Variants in ZNF304 observed in about 807,000 individuals in gnomAD.
ZNF304 encodes KRAB-containing zinc finger protein.
In ZNF304, 7 loss-of-function variants were observed where a neutral mutation model predicts 7.8. That is an observed-to-expected ratio of 0.90 (90% CI 0.51 to 1.69). The LOEUF is 1.69. ZNF304 is among the 40% of genes most tolerant of loss of function. The pLI is 0.00. For synonymous variants in ZNF304, 280 were observed against 272.4 expected, an observed-to-expected ratio of 1.03 and a Z score of -0.27; for missense variants, 669 against 804.8, an observed-to-expected ratio of 0.83 and a Z score of 2.04.
chr19:57,354,175 A>G (rs2088309251), intron 2 of ZNF304, among the ~76,000 whole-genome samples: 1 of 151,896 alleles, frequency 6.6e-6, no homozygotes, highest in Non-Finnish European at 1.5e-5. Context: ...ACGCCCGGCT[A>G]TTTTACTTTT....
Position 57,359,726 on chromosome 19 carries a change from C to G in ZNF304, c.*1877C>G, listed in dbSNP as rs2088397481. The G allele has an allele frequency of 6.6e-6, 1 of 152,160 alleles. No individual in the cohort carries two copies. The highest frequency in any genetic ancestry group is 6.5e-5 in the Admixed American group (1 of 15,280). 9.4% of individuals were successfully genotyped at this position (152,160 alleles called of 1,614,324 possible). On this transcript the variant is annotated 3_prime_UTR_variant, in exon 3 of 3. Coordinates refer to ENST00000282286, the MANE Select transcript of ZNF304 (RefSeq NM_020657.4). ...TAAACATAACTATTTTAAGGTTAAT[C>G]CATTATCTTGTTGCATGAATCAATT...
chr19:57,355,802 A>G (rs1157856307), intron 2 of ZNF304, among the ~76,000 whole-genome samples: 1 of 151,950 alleles, frequency 6.6e-6, no homozygotes, highest in Non-Finnish European at 1.5e-5. Context: ...CTTCACCTAT[A>G]CTCCCTATAC....
Position 57,356,111 on chromosome 19 carries a change from A to T in ZNF304, c.242A>T (p.Glu81Val). ...GGAGTGTCACAGGTCAGGACTGCTGAGTCAGGTCTTTTCCAGAAAGCACAC... is the reference window on the plus strand; with the variant it reads ...GGAGTGTCACAGGTCAGGACTGCTGTGTCAGGTCTTTTCCAGAAAGCACAC... ...VEGVSQVRTA[E>V]SGLFQKAHPC... Residue 81 changes from glutamate (E) to valine (V), a missense_variant, in exon 3 of 3, where the codon GAG becomes GTG. Glu to Val is a moderately radical substitution (Grantham distance 121). Coordinates refer to ENST00000282286, the MANE Select transcript of ZNF304 (RefSeq NM_020657.4). 1 of 1,614,218 alleles carries T rather than the reference A, an allele frequency of 6.2e-7. No individual in the cohort carries two copies. The highest frequency in any genetic ancestry group is 1.3e-5 in the African/African-American group (1 of 75,060).
chr19:57,353,978 GTTGT>G (rs2088306198), intron 2 of ZNF304, 127 bp downstream of exon 2: 3 of 769,856 alleles, frequency 3.9e-6, no homozygotes, highest in Non-Finnish European at 5.8e-6. Flanking sequence ...AGCATTTTTT[GTTGT>G]TTATTATTTT....
chr19:57,358,236 TC>T lies in ZNF304; in HGVS notation c.*399del, dbSNP rs112059698. The T allele has an allele frequency of 0.067, 7,193 of 107,602 alleles. 188 individuals carry two copies. The highest frequency in any genetic ancestry group is 0.19 in the East Asian group (589 of 3,148). The allele number at this position is 107,602 out of a possible 1,614,324, so 6.7% of individuals were successfully genotyped here. ...GTAATCATGAATATTTTCAAGGACT[TC>T]CCCCCCCCCCCACTTCACCCCCTAC... On this transcript the variant is annotated 3_prime_UTR_variant, in exon 3 of 3. Coordinates refer to ENST00000282286, the MANE Select transcript of ZNF304 (RefSeq NM_020657.4).
intron 2 of ZNF304, chr19:57,355,263 C>T (rs1367043558): frequency 6.5e-6 from 5 of 764,942 alleles, no homozygotes; most frequent in South Asian, 2.7e-5. Context: ...CCTTTGTTTG[C>T]GTTACAGCTT....
In ZNF304 at chr19:57,359,429, CATTT is replaced by C. The variant is rs2088393582; in HGVS notation, c.*1586_*1589del. The C allele has an allele frequency of 6.6e-6, 1 of 152,162 alleles. No individual in the cohort carries two copies. The highest frequency in any genetic ancestry group is 2.4e-5 in the African/African-American group (1 of 41,420). The allele number at this position is 152,162 out of a possible 1,614,324, so 9.4% of individuals were successfully genotyped here. A position where few individuals can be genotyped will look rare whatever the true frequency, so the allele number is the denominator to read the frequency against. On this transcript the variant is annotated 3_prime_UTR_variant, in exon 3 of 3. Coordinates refer to ENST00000282286, the MANE Select transcript of ZNF304 (RefSeq NM_020657.4). The stretch of plus-strand genomic sequence containing the variant: ...AGTATATATAGATTTTAATGAGGAA[CATTT>C]ATTTAATAGCTTTATGGAGGTATGA...
At position 57,351,329 on chromosome 19, in the gene ZNF304, G is replaced by C. The variant is rs895307904; in HGVS notation, c.-336G>C. On this transcript the variant is annotated 5_prime_UTR_variant, in exon 1 of 3. Transcript: ENST00000282286. The surrounding 1 kb of genome is among the most constrained non-coding windows in gnomAD (Gnocchi z 4.1). ...TTGTGAAGGCTGAGTTCTAGAGATC[G>C]GGTCGGCTTTCTACGCGGCTCTCGT... 2.8e-6 allele frequency: 1 copy of C among 353,176 alleles called. No homozygotes were observed. The highest frequency in any genetic ancestry group is 4.0e-5 in the South Asian group (1 of 25,248). The allele number at this position is 353,176 out of a possible 1,614,324, so 21.9% of individuals were successfully genotyped here. A position where few individuals can be genotyped will look rare whatever the true frequency, so the allele number is the denominator to read the frequency against.
At position 57,351,814 on chromosome 19, in the gene ZNF304, C is replaced by T. The variant is rs1309775402; in HGVS notation, c.33+117C>T. ...TCGCATTATGTGGAGGGGTTCCGCTCCCCTCATCAGTGGCATAAGGTGTGG... is the reference window on the plus strand; with the variant it reads ...TCGCATTATGTGGAGGGGTTCCGCTTCCCTCATCAGTGGCATAAGGTGTGG... On this transcript the variant is annotated intron_variant, in intron 1 of 2. Coordinates refer to ENST00000282286, the MANE Select transcript of ZNF304 (RefSeq NM_020657.4). This position sits in a 1 kb window ranked among gnomAD's most constrained non-coding sequence, Gnocchi z 4.1. 9.4e-6 allele frequency: 11 copies of T among 1,174,784 alleles called. No individual in the cohort carries two copies. In the East Asian group the frequency reaches 9.9e-5, roughly 11 times the overall value. 72.8% of individuals were successfully genotyped at this position (1,174,784 alleles called of 1,614,324 possible).
At chr19:57,353,634 TAG>T in intron 1 of ZNF304, 89 bp from the exon 2 acceptor site, 2 of 1,490,416 alleles carry the variant, frequency 1.3e-6, no homozygotes, top group Non-Finnish European at 1.8e-6. Flanking sequence ...GGCGAGGGAC[TAG>T]AGAGTGGGTG....
In ZNF304 at chr19:57,358,178, A is replaced by G. The variant is rs2088373552; in HGVS notation, c.*329A>G. 4.0e-6 allele frequency: 1 copy of G among 247,704 alleles called. No homozygotes were observed. Among genetic ancestry groups the G allele is most frequent in the East Asian group, 8.1e-5 (1 of 12,372 alleles). The allele number at this position is 247,704 out of a possible 1,614,324, so 15.3% of individuals were successfully genotyped here. A position where few individuals can be genotyped will look rare whatever the true frequency, so the allele number is the denominator to read the frequency against. On this transcript the variant is annotated 3_prime_UTR_variant, in exon 3 of 3. Transcript: ENST00000282286. The stretch of plus-strand genomic sequence containing the variant: ...TCACTCCATTTTGCTCAGGGAAGGC[A>G]GACTTCTGTGCTTTCTTTCCTGTTC...
Position 57,358,301 on chromosome 19 carries a change from TG to T in ZNF304, c.*453del, listed in dbSNP as rs2088377853. The T allele has an allele frequency of 7.0e-6, 1 of 143,296 alleles. No individual in the cohort carries two copies. The highest frequency in any genetic ancestry group is 1.5e-5 in the Non-Finnish European group (1 of 68,782). 8.9% of individuals were successfully genotyped at this position (143,296 alleles called of 1,614,324 possible). A position where few individuals can be genotyped will look rare whatever the true frequency, so the allele number is the denominator to read the frequency against. On this transcript the variant is annotated 3_prime_UTR_variant, in exon 3 of 3. Transcript: ENST00000282286. ...CATCTTTTCCCTCATGATTAGGTTC[TG>T]AGCAAACATGATCTAGCTCTCACCA... is the stretch of plus-strand genomic sequence containing the variant.
chr19:57,352,225 T>C (rs2088284076), intron 1 of ZNF304, among the ~76,000 whole-genome samples: 1 of 152,108 alleles, frequency 6.6e-6, no homozygotes, highest in Admixed American at 6.6e-5. Context: ...TTGTATGTAT[T>C]TTATAAGGAA....
rs750641816 is a variant in ZNF304 at position 57,356,553 on chromosome 19, A to T, written c.684A>T (p.Glu228Asp). 6.2e-7 allele frequency: 1 copy of T among 1,614,094 alleles called. No homozygotes were observed. Among genetic ancestry groups the T allele is most frequent in the Admixed American group, 1.7e-5 (1 of 60,002 alleles). The change falls in exon 3 of 3, where the codon GAA (glutamate) becomes GAT (aspartate). Residue 228 changes from glutamate (E) to aspartate (D), a missense_variant. Transcript: ENST00000282286. The part of the protein sequence containing the change: ...DGQMLFSCGD[E>D]GKAFLDTFTL... Reference sequence around the variant, plus strand: ...AGATGCTTTTCAGTTGCGGTGATGAAGGGAAAGCCTTCCTGGACACCTTTA... The same window carrying T: ...AGATGCTTTTCAGTTGCGGTGATGATGGGAAAGCCTTCCTGGACACCTTTA...
rs771084027 is a variant in ZNF304 at position 57,357,188 on chromosome 19, T to C, written c.1319T>C (p.Val440Ala). 1.2e-6 allele frequency: 2 copies of C among 1,613,964 alleles called. No individual in the cohort carries two copies. Among genetic ancestry groups the C allele is most frequent in the East Asian group, 2.2e-5 (1 of 44,874 alleles). The change falls in exon 3 of 3, where the codon GTC becomes GCC. Residue 440 changes from valine to alanine, a missense_variant. Coordinates refer to ENST00000282286, the MANE Select transcript of ZNF304 (RefSeq NM_020657.4). ...HNSSLIKHRR[V>A]HTGARSYVCS... ...TCTAGCCTCATTAAACATCGGAGAG[T>C]CCACACAGGAGCAAGATCCTACGTG...
Position 57,356,117 on chromosome 19 carries a change from G to A in ZNF304, c.248G>A (p.Gly83Asp). The A allele has an allele frequency of 6.2e-7, 1 of 1,614,230 alleles. No homozygotes were observed. The highest frequency in any genetic ancestry group is 8.5e-7 in the Non-Finnish European group (1 of 1,180,040). ...GVSQVRTAES[G>D]LFQKAHPCEM... ...TCACAGGTCAGGACTGCTGAGTCAG[G>A]TCTTTTCCAGAAAGCACACCCATGT... The change falls in exon 3 of 3, where the codon GGT becomes GAT. Residue 83 changes from glycine (G) to aspartate (D), a missense_variant. Coordinates refer to ENST00000282286, the MANE Select transcript of ZNF304 (RefSeq NM_020657.4).
chr19:57,353,876 A>C (rs1423930176), intron 2 of ZNF304, 25 bp downstream of exon 2: 1 of 1,520,478 alleles, frequency 6.6e-7, no homozygotes, highest in Non-Finnish European at 8.9e-7. Flanking sequence ...TAGTTATCTA[A>C]TGCTACATGG....
At chr19:57,353,155 T>C (rs192857333) in intron 1 of ZNF304, among the ~76,000 whole-genome samples, 1 of 152,308 alleles carries the variant, frequency 6.6e-6, no homozygotes, top group African/African-American at 2.4e-5. Context: ...ACTGGGTCTG[T>C]TGCTTAGGCA....
chr19:57,353,994 AG>A (rs904250330), intron 2 of ZNF304, 143 bp downstream of exon 2: 7 of 707,780 alleles, frequency 9.9e-6, no homozygotes, highest in South Asian at 2.7e-5. Context: ...TATTATTTTG[AG>A]GGTTTTTTTT....
Sources: allele counts gnomAD v4.1 joint callset (sites outside exome capture counted in the v4.1 genomes callset), GRCh38; gene constraint gnomAD v4.1.1; non-coding constraint Gnocchi (gnomAD v3.1); transcripts MANE v1.5; gene names NCBI Gene and HGNC (gene_info 2026-07-23, HGNC 2026-07-21).